Variants in KCNQ3 observed in about 807,000 individuals in gnomAD.
The protein encoded by KCNQ3 is potassium voltage-gated channel subfamily KQT member 3.
A neutral mutation model predicts 92.5 loss-of-function variants in KCNQ3; 30 were observed. The observed-to-expected ratio is 0.32, with a 90% confidence interval of 0.24 to 0.44. KCNQ3 has a LOEUF of 0.44. KCNQ3 is among the 20% of genes least tolerant of loss of function. The pLI, the probability that KCNQ3 is intolerant of heterozygous loss-of-function variation, is 1.00. For synonymous variants in KCNQ3, 450 were observed against 468.8 expected, an observed-to-expected ratio of 0.96 and a Z score of 0.52; for missense variants, 913 against 1,140.3, an observed-to-expected ratio of 0.80 and a Z score of 2.87.
intron 6 of KCNQ3, 76 bp downstream of exon 6, chr8:132,174,163 G>T: frequency 9.9e-7 from 1 of 1,012,808 alleles, no homozygotes; most frequent in Non-Finnish European, 1.5e-6. Context: ...AGATGACACT[G>T]GAAAGTTGAG....
At chr8:132,185,891 C>T (rs973843202) in intron 2 of KCNQ3, among the ~76,000 whole-genome samples, 200 bp downstream of exon 2, 1 of 152,108 alleles carries the variant, frequency 6.6e-6, no homozygotes, top group African/African-American at 2.4e-5. Flanking sequence ...AAAGCTTTAC[C>T]AGGAATGCCA....
chr8:132,195,972 A>G (rs1827288194), intron 1 of KCNQ3, among the ~76,000 whole-genome samples: 1 of 152,226 alleles, frequency 6.6e-6, no homozygotes, highest in Non-Finnish European at 1.5e-5. Context: ...AAGACATTAT[A>G]ATTATAAACA....
chr8:132,364,975 A>G (rs1028758274), intron 1 of KCNQ3, among the ~76,000 whole-genome samples: 1 of 152,166 alleles, frequency 6.6e-6, no homozygotes, highest in African/African-American at 2.4e-5. Context: ...TCATAGAGCT[A>G]GGAAGTGGTT....
chr8:132,162,490 G>A (rs765822475), intron 9 of KCNQ3, among the ~76,000 whole-genome samples: 3 of 152,080 alleles, frequency 2.0e-5, no homozygotes, highest in Non-Finnish European at 4.4e-5. Flanking sequence ...AGATCTCTGT[G>A]GTGTCCTTTC....
In KCNQ3 at chr8:132,187,864, G is replaced by GTGT. The variant is rs764441140; in HGVS notation, c.387-1684_387-1683insACA. The stretch of plus-strand genomic sequence containing the variant: ...GGTGGTGGTGGTAGTGATGGTGGTG[G>GTGT]TGGTGGTGATAGTGATGGTGGCGGT... On this transcript the variant is annotated intron_variant, in intron 1 of 14. Coordinates refer to ENST00000388996, the MANE Select transcript of KCNQ3 (RefSeq NM_004519.4). Among the ~76,000 whole-genome samples, 43 of 91,436 alleles carry GTGT rather than the reference G, an allele frequency of 4.7e-4. 1 individual carries two copies. Among genetic ancestry groups the GTGT allele is most frequent in the Non-Finnish European group, 7.0e-4 (32 of 45,604 alleles). The allele number at this position is 91,436 out of a possible 152,430, so 60.0% of individuals were successfully genotyped here.
intron 1 of KCNQ3, among the ~76,000 whole-genome samples, chr8:132,272,598 G>A (rs980655571): frequency 1.2e-4 from 18 of 152,184 alleles, no homozygotes; most frequent in Admixed American, 1.3e-4. Context: ...AGGCAAGAAG[G>A]AGCAAATCAC....
At chr8:132,208,895 A>T (rs1247324237) in intron 1 of KCNQ3, among the ~76,000 whole-genome samples, 14 of 152,226 alleles carry the variant, frequency 9.2e-5, no homozygotes, top group Non-Finnish European at 1.6e-4. Context: ...CCCTCCTAAA[A>T]CACCTCCTGG....
At chr8:132,415,411 A>G (rs1344160457) in intron 1 of KCNQ3, among the ~76,000 whole-genome samples, 1 of 152,098 alleles carries the variant, frequency 6.6e-6, no homozygotes, top group Non-Finnish European at 1.5e-5. Flanking sequence ...TGTCACCACC[A>G]TCACCACCCC....
rs756218792 is a variant in KCNQ3, at chr8:132,234,338, GTTTTTTTTTTTT to G, written c.387-48169_387-48158del. Among the ~76,000 whole-genome samples the G allele has an allele frequency of 4.2e-4, 36 of 85,668 alleles. No homozygotes were observed. In the South Asian group the frequency reaches 0.011, roughly 26 times the overall value. 56.2% of individuals were successfully genotyped at this position (85,668 alleles called of 152,430 possible). A position where few individuals can be genotyped will look rare whatever the true frequency, so the allele number is the denominator to read the frequency against. On this transcript the variant is annotated intron_variant, in intron 1 of 14. Transcript: ENST00000388996. ...CTGTGCATAATTCTGTCCATGAAAA[GTTTTTTTTTTTT>G]TTTTTTTTTTTTTTTGGCAGGTGAA... is the stretch of plus-strand genomic sequence containing the variant.
At chr8:132,139,929 A>G in intron 11 of KCNQ3, 147 bp downstream of exon 11, 1 of 617,538 alleles carries the variant, frequency 1.6e-6, no homozygotes, top group Non-Finnish European at 2.9e-6. Context: ...CAGTATTTAC[A>G]TACTTCAGGG....
intron 1 of KCNQ3, among the ~76,000 whole-genome samples, chr8:132,458,801 T>C (rs1033248898): frequency 2.6e-5 from 4 of 152,238 alleles, no homozygotes; most frequent in Non-Finnish European, 4.4e-5. Flanking sequence ...TAGTACAGAA[T>C]TCCCATATAA....
At chr8:132,443,594 C>A (rs964168375) in intron 1 of KCNQ3, among the ~76,000 whole-genome samples, 1 of 152,138 alleles carries the variant, frequency 6.6e-6, no homozygotes, top group African/African-American at 2.4e-5. Flanking sequence ...TCCAAACACA[C>A]CCCTCCCCAG....
At chr8:132,326,363 A>G (rs1003704360) in intron 1 of KCNQ3, among the ~76,000 whole-genome samples, 4 of 152,316 alleles carry the variant, frequency 2.6e-5, no homozygotes, top group African/African-American at 9.6e-5. Flanking sequence ...CTGGAACTTC[A>G]TCCATCAGAC....
chr8:132,226,798 G>A (rs753138879), intron 1 of KCNQ3, among the ~76,000 whole-genome samples: 3 of 152,142 alleles, frequency 2.0e-5, no homozygotes, highest in Non-Finnish European at 4.4e-5. Context: ...GGCCTGGCTG[G>A]GGAGGATATC....
chr8:132,173,923 G>A (rs903988343), intron 6 of KCNQ3, among the ~76,000 whole-genome samples: 12 of 152,208 alleles, frequency 7.9e-5, no homozygotes, highest in African/African-American at 2.9e-4. Flanking sequence ...TCTGGGGAAG[G>A]CAGATCTAGA....
intron 1 of KCNQ3, among the ~76,000 whole-genome samples, chr8:132,263,221 C>T (rs1048383067): frequency 6.6e-6 from 1 of 152,194 alleles, no homozygotes; most frequent in Non-Finnish European, 1.5e-5. Flanking sequence ...TGCTCCAGCT[C>T]TTACAGCTCT....
intron 1 of KCNQ3, among the ~76,000 whole-genome samples, chr8:132,268,511 G>A (rs533129236): frequency 2.6e-5 from 4 of 152,166 alleles, no homozygotes; most frequent in Non-Finnish European, 2.9e-5. Context: ...TGCCTGCCTC[G>A]GTCTCCCAAA....
chr8:132,409,252 A>G (rs1820583654), intron 1 of KCNQ3, among the ~76,000 whole-genome samples: 1 of 152,120 alleles, frequency 6.6e-6, no homozygotes, highest in Non-Finnish European at 1.5e-5. Context: ...TAATCCATCT[A>G]TGCATTCACT....
At chr8:132,388,962 T>C (rs1258649124) in intron 1 of KCNQ3, among the ~76,000 whole-genome samples, 1 of 152,184 alleles carries the variant, frequency 6.6e-6, no homozygotes, top group Non-Finnish European at 1.5e-5. Flanking sequence ...TTAAAAAACA[T>C]TCTGGAAAAA....
Sources: gnomAD v4.1 joint callset for allele counts (sites outside exome capture counted in the v4.1 genomes callset) on GRCh38, gnomAD v4.1.1 for gene constraint, MANE v1.5 for transcripts, NCBI Gene and HGNC (gene_info 2026-07-23, HGNC 2026-07-21) for gene names.